The following PLCD3 variants were observed in gnomAD, a reference collection of about 807,000 sequenced individuals.
The protein encoded by PLCD3 is 1-phosphatidylinositol 4,5-bisphosphate phosphodiesterase delta-3.
A neutral mutation model predicts 82.8 loss-of-function variants in PLCD3; 62 were observed. That is an observed-to-expected ratio of 0.75 (90% CI 0.61 to 0.93). PLCD3 has a LOEUF of 0.93. PLCD3 is among the 40% of genes least tolerant of loss of function. The probability of loss-of-function intolerance (pLI) is 0.00; values close to 1 mark genes in which losing one functional copy is unlikely to be tolerated. For missense variants in PLCD3, 1,023 were observed against 1,103.4 expected (o/e 0.93, Z 1.03); for synonymous variants, 478 against 471.8 (o/e 1.01, Z -0.17).
chr17:45,126,203 CT>C (rs2143588270), intron 1 of PLCD3, among the ~76,000 whole-genome samples: 1 of 151,956 alleles, frequency 6.6e-6, no homozygotes, highest in East Asian at 1.9e-4. Context: ...GCCACCACAC[CT>C]GGCTAATTTT....
chr17:45,119,771 C>T (rs74406098), intron 4 of PLCD3, among the ~76,000 whole-genome samples: 210 of 152,344 alleles, frequency 1.4e-3, no homozygotes, highest in African/African-American at 4.9e-3. Context: ...AGCTGTGGCC[C>T]AGGGGTCCAG....
At position 45,113,470 on chromosome 17, in the gene PLCD3, G is replaced by A; in HGVS notation, c.1964C>T (p.Pro655Leu). ...QPDSTFDPEY[P>L]GPPRTTLSIQ... ...GCTGAGAGTGGTTCTGGGAGGTCCT[G>A]GGTACTCGGGGTCAAAGGTCGAGTC... Residue 655 changes from proline (P) to leucine (L), a missense_variant, in exon 12 of 15, where the codon CCA (proline) becomes CTA (leucine). Pro to Leu is a moderately conservative substitution (Grantham distance 98). Transcript: ENST00000619929. 2 of 1,595,296 alleles carry A rather than the reference G, an allele frequency of 1.3e-6. No homozygotes were observed. Among genetic ancestry groups the A allele is most frequent in the Non-Finnish European group, 1.7e-6 (2 of 1,171,124 alleles).
chr17:45,132,405 C>A lies in PLCD3; in HGVS notation c.6G>T (p.Leu2=), dbSNP rs1277657731. The A allele has an allele frequency of 8.2e-6, 10 of 1,220,272 alleles. No individual in the cohort carries two copies. Among genetic ancestry groups the A allele is most frequent in the Non-Finnish European group, 7.1e-6 (7 of 980,748 alleles). The allele number at this position is 1,220,272 out of a possible 1,614,324, so 75.6% of individuals were successfully genotyped here. Reference sequence around the variant, plus strand: ...GGCGGCAACGCCTCCAGCGGCCGCACAGCATGGCTTGGCGGGGGGCCGGGG... The same window carrying A: ...GGCGGCAACGCCTCCAGCGGCCGCAAAGCATGGCTTGGCGGGGGGCCGGGG... M[L]CGRWRRCRRP... Residue 2 remains leucine, a synonymous_variant, in exon 1 of 15, where the codon CTG becomes CTT. Transcript: ENST00000619929. The surrounding 1 kb of genome is among the most constrained non-coding windows in gnomAD (Gnocchi z 4.6).
At position 45,118,994 on chromosome 17, in the gene PLCD3, T is replaced by C. The variant is rs1462604586; in HGVS notation, c.734A>G (p.Glu245Gly). 1.2e-6 allele frequency: 2 copies of C among 1,612,608 alleles called. No homozygotes were observed. Among genetic ancestry groups the C allele is most frequent in the Admixed American group, 3.3e-5 (2 of 59,934 alleles). The part of the protein sequence containing the change: ...NDRLEGAEIE[E>G]FLRRLLKRPE... ...CCGCTTCAGCAGCCGCCGCAGGAAC[T>C]CCTCGATCTCAGCCCCCTCTAGACG... The change falls in exon 5 of 15, where the codon GAG becomes GGG. Residue 245 changes from glutamate (E) to glycine (G), a missense_variant. Glu to Gly is a moderately conservative substitution (Grantham distance 98, BLOSUM62 -2). Around this residue, in one of 3 missense-constraint regions of PLCD3, gnomAD observed 448 missense variants for 406.3 expected, o/e 1.10. Coordinates refer to ENST00000619929, the MANE Select transcript of PLCD3 (RefSeq NM_133373.5). The surrounding 1 kb of genome is among the most constrained non-coding windows in gnomAD (Gnocchi z 4.1).
intron 1 of PLCD3, among the ~76,000 whole-genome samples, chr17:45,128,503 A>T (rs2054397766): frequency 6.6e-6 from 1 of 152,176 alleles, no homozygotes; most frequent in Admixed American, 6.5e-5. Flanking sequence ...CTGCCAAGTC[A>T]CCCACAGCAG....
chr17:45,117,686 CTTAT>C (rs2054301683), intron 7 of PLCD3, among the ~76,000 whole-genome samples: 1 of 152,206 alleles, frequency 6.6e-6, no homozygotes, highest in African/African-American at 2.4e-5. Flanking sequence ...TCTCTTACAG[CTTAT>C]TTATTCTTTG....
chr17:45,121,024 C>T lies in PLCD3; in HGVS notation c.432G>A (p.Lys144=). ...CCAGGTCCAGGTTCTTGCGGCGGCCCTTGAAGGCGATGGTGAGGCAGCGCG... is the reference window on the plus strand; with the variant it reads ...CCAGGTCCAGGTTCTTGCGGCGGCCTTTGAAGGCGATGGTGAGGCAGCGCG... The part of the protein sequence containing the change: ...APARCLTIAF[K]GRRKNLDLAA... Residue 144 remains lysine, a synonymous_variant, in exon 3 of 15, where the codon AAG becomes AAA. Transcript: ENST00000619929. The T allele has an allele frequency of 6.5e-7, 1 of 1,540,382 alleles. No homozygotes were observed. Among genetic ancestry groups the T allele is most frequent in the Non-Finnish European group, 8.7e-7 (1 of 1,150,538 alleles).
rs1440021678 is a variant in PLCD3, at chr17:45,121,029, A to G, written c.427T>C (p.Phe143Leu). 1 of 1,540,972 alleles carries G rather than the reference A, an allele frequency of 6.5e-7. No homozygotes were observed. The highest frequency in any genetic ancestry group is 1.9e-5 in the Admixed American group (1 of 51,798). Residue 143 changes from phenylalanine to leucine, a missense_variant, in exon 3 of 15, where the codon TTC (phenylalanine) becomes CTC (leucine). By Grantham distance (22) the Phe-to-Leu change is conservative (BLOSUM62 0). Around this residue, in one of 3 missense-constraint regions of PLCD3, gnomAD observed 448 missense variants for 406.3 expected, o/e 1.10. Coordinates refer to ENST00000619929, the MANE Select transcript of PLCD3 (RefSeq NM_133373.5). The stretch of plus-strand genomic sequence containing the variant: ...TCCAGGTTCTTGCGGCGGCCCTTGA[A>G]GGCGATGGTGAGGCAGCGCGCTGGC... ...FAPARCLTIA[F>L]KGRRKNLDLA... is the part of the protein sequence containing the mutation.
intron 1 of PLCD3, among the ~76,000 whole-genome samples, chr17:45,129,727 C>G (rs988739512): frequency 6.6e-6 from 1 of 152,234 alleles, no homozygotes; most frequent in Non-Finnish European, 1.5e-5. Flanking sequence ...GCGCTCCTCT[C>G]TCTTCAATGA....
At chr17:45,116,498 G>A in intron 8 of PLCD3, 134 bp downstream of exon 8, 1 of 972,128 alleles carries the variant, frequency 1.0e-6, no homozygotes, top group East Asian at 2.9e-5. Flanking sequence ...GACCTCAGAT[G>A]AACAGAGGAA....
chr17:45,131,105 G>C (rs887126703), intron 1 of PLCD3, among the ~76,000 whole-genome samples: 1 of 152,234 alleles, frequency 6.6e-6, no homozygotes. Flanking sequence ...CAGTTGAATG[G>C]ATGGCAGGGT....
intron 4 of PLCD3, among the ~76,000 whole-genome samples, chr17:45,119,891 T>A (rs1567880781): frequency 6.6e-6 from 1 of 152,240 alleles, no homozygotes; most frequent in Non-Finnish European, 1.5e-5. Context: ...AGCCCACTCC[T>A]GTGTGCCCCT....
chr17:45,126,102 A>G (rs9906112), intron 1 of PLCD3, among the ~76,000 whole-genome samples: 133,586 of 149,698 alleles, frequency 0.89, 59,690 homozygotes, highest in Middle Eastern at 0.94. Context: ...GGAGTGCAGT[A>G]GCACGAACTT....
At chr17:45,121,959 C>CAAAAA (rs112126121) in intron 1 of PLCD3, among the ~76,000 whole-genome samples, 2 of 137,398 alleles carry the variant, frequency 1.5e-5, no homozygotes, top group Admixed American at 1.4e-4. Flanking sequence ...TGCGTCTTAA[C>CAAAAA]AAAAAAAAAA....
chr17:45,121,293 C>T lies in PLCD3; in HGVS notation c.243G>A (p.Lys81=), dbSNP rs2054337806. The T allele has an allele frequency of 1.9e-6, 3 of 1,583,528 alleles. No individual in the cohort carries two copies. In the East Asian group the frequency reaches 6.8e-5, roughly 36 times the overall value. ...CCTCCTGCAGCCGGTACAGCCGCTCCTTGTGCCACGTGCGCGAGCGGATCT... is the reference window on the plus strand; with the variant it reads ...CCTCCTGCAGCCGGTACAGCCGCTCTTTGTGCCACGTGCGCGAGCGGATCT... ...LRKIRSRTWH[K]ERLYRLQEDG... Residue 81 remains lysine, a synonymous_variant, in exon 2 of 15, where the codon AAG becomes AAA. Coordinates refer to ENST00000619929, the MANE Select transcript of PLCD3 (RefSeq NM_133373.5).
In PLCD3 at chr17:45,114,313, C is replaced by G. The variant is rs377706395; in HGVS notation, c.1765G>C (p.Gly589Arg). Residue 589 changes from glycine (G) to arginine (R), a missense_variant, in exon 11 of 15, where the codon GGG becomes CGG. Coordinates refer to ENST00000619929, the MANE Select transcript of PLCD3 (RefSeq NM_133373.5). ...ARQLTRVYPLGLRMNSANYSP... is the reference protein window; with the variant it reads ...ARQLTRVYPLRLRMNSANYSP... ...TAGTTGGCTGAGTTCATCCGCAGCC[C>G]CAGCGGGTACACGCGGGTCAGCTGG... 3.2e-6 allele frequency: 5 copies of G among 1,549,506 alleles called. No individual in the cohort carries two copies. Among genetic ancestry groups the G allele is most frequent in the Non-Finnish European group, 3.5e-6 (4 of 1,146,232 alleles).
chr17:45,121,285 A>T lies in PLCD3; in HGVS notation c.251T>A (p.Leu84Gln). 1 of 1,586,896 alleles carries T rather than the reference A, an allele frequency of 6.3e-7. No individual in the cohort carries two copies. The highest frequency in any genetic ancestry group is 8.5e-7 in the Non-Finnish European group (1 of 1,174,920). The change falls in exon 2 of 15, where the codon CTG becomes CAG. Residue 84 changes from leucine to glutamine, a missense_variant. Leu to Gln is a moderately radical substitution (Grantham distance 113). Coordinates refer to ENST00000619929, the MANE Select transcript of PLCD3 (RefSeq NM_133373.5). ...IRSRTWHKERLYRLQEDGLSV... is the reference protein window; with the variant it reads ...IRSRTWHKERQYRLQEDGLSV... ...CAGGCCGTCCTCCTGCAGCCGGTAC[A>T]GCCGCTCCTTGTGCCACGTGCGCGA...
intron 11 of PLCD3, 91 bp from the exon 12 acceptor site, chr17:45,113,696 C>T: frequency 1.4e-6 from 2 of 1,444,146 alleles, no homozygotes; most frequent in South Asian, 2.7e-5. Flanking sequence ...CTACAAAGGG[C>T]CTGGGGTCCC....
chr17:45,125,527 C>T (rs1293275527), intron 1 of PLCD3, among the ~76,000 whole-genome samples: 2 of 152,228 alleles, frequency 1.3e-5, no homozygotes, highest in African/African-American at 4.8e-5. Flanking sequence ...ACCCGGAAGG[C>T]AGAGGTTGCA....
Sources: gnomAD v4.1 joint callset for allele counts (sites outside exome capture counted in the v4.1 genomes callset) on GRCh38, gnomAD v4.1.1 for gene constraint, gnomAD v4.1.1 regional missense constraint, Gnocchi (gnomAD v3.1) non-coding constraint, MANE v1.5 for transcripts, NCBI Gene and HGNC (gene_info 2026-07-23, HGNC 2026-07-21) for gene names.